PLXNC1: variants seen among roughly 807,000 people sequenced by gnomAD.
The protein encoded by PLXNC1 is plexin C1.
Under a neutral mutation model 178.2 loss-of-function variants are expected in PLXNC1, and 75 were observed. The observed-to-expected ratio is 0.42, with a 90% CI of 0.35 to 0.51. The LOEUF (loss-of-function observed/expected upper bound fraction) is 0.51, where lower values mean the gene tolerates loss of function less well. Ranked by LOEUF, PLXNC1 falls within the 20% of genes least tolerant of loss-of-function variation. The pLI is 0.02. For synonymous variants in PLXNC1, 790 were observed against 779.9 expected, an observed-to-expected ratio of 1.01 and a Z score of -0.22; for missense variants, 1,503 against 1,984.4, an observed-to-expected ratio of 0.76 and a Z score of 4.61.
intron 15 of PLXNC1, chr12:94,254,361 C>A (rs1376072836): frequency 2.7e-6 from 1 of 370,394 alleles, no homozygotes; most frequent in African/African-American, 2.1e-5. Context: ...CGGTTCCTTT[C>A]TACGTTTGCA....
chr12:94,210,682 A>G (rs968927529), intron 5 of PLXNC1, among the ~76,000 whole-genome samples: 2 of 152,240 alleles, frequency 1.3e-5, no homozygotes, highest in African/African-American at 4.8e-5. Context: ...AAAATAATCA[A>G]GCTTCTAAGT....
intron 22 of PLXNC1, 94 bp from the exon 23 acceptor site, chr12:94,282,201 TACC>T: frequency 3.8e-6 from 3 of 792,074 alleles, no homozygotes; most frequent in Non-Finnish European, 6.5e-6. Flanking sequence ...AACAAAGATT[TACC>T]ACTTTATTCA....
At chr12:94,229,201 C>A (rs1396159082) in intron 9 of PLXNC1, among the ~76,000 whole-genome samples, 1 of 152,158 alleles carries the variant, frequency 6.6e-6, no homozygotes, top group Non-Finnish European at 1.5e-5. Flanking sequence ...ATTTGTATAT[C>A]TTCTCTGGAG....
intron 11 of PLXNC1, among the ~76,000 whole-genome samples, chr12:94,242,989 G>A (rs1045865049): frequency 6.6e-6 from 1 of 152,252 alleles, no homozygotes; most frequent in Non-Finnish European, 1.5e-5. Context: ...CTGAGCCTGT[G>A]TGTCTTGGCT....
In PLXNC1 at chr12:94,259,785, C is replaced by T. The variant is rs377602441; in HGVS notation, c.3251+51C>T. On this transcript the variant is annotated intron_variant, in intron 19 of 30. Transcript: ENST00000258526. ...AAAAGCCTTTAAGAAAAAATCAGGC[C>T]GGGCATGGTGGCTCATGGCTGTAAT... 63 of 1,515,648 alleles carry T rather than the reference C, an allele frequency of 4.2e-5. No homozygotes were observed. The East Asian group carries it at 9.7e-4, about 23-fold the overall frequency. The allele number at this position is 1,515,648 out of a possible 1,614,324, so 93.9% of individuals were successfully genotyped here. A position where few individuals can be genotyped will look rare whatever the true frequency, so the allele number is the denominator to read the frequency against.
At position 94,306,277 on chromosome 12, in the gene PLXNC1, A is replaced by C. The variant is rs1969007303; in HGVS notation, c.*992A>C. ...TTTATCGAATTGCTGTTCACACTGG[A>C]GTATTATATATAAATATATATATTT... On this transcript the variant is annotated 3_prime_UTR_variant, in exon 31 of 31. Coordinates refer to ENST00000258526, the MANE Select transcript of PLXNC1 (RefSeq NM_005761.3). The C allele has an allele frequency of 6.6e-6, 1 of 151,930 alleles. No homozygotes were observed. Among genetic ancestry groups the C allele is most frequent in the Non-Finnish European group, 1.5e-5 (1 of 68,000 alleles). The allele number at this position is 151,930 out of a possible 1,614,324, so 9.4% of individuals were successfully genotyped here. A position where few individuals can be genotyped will look rare whatever the true frequency, so the allele number is the denominator to read the frequency against.
At chr12:94,213,888 A>G (rs111992071) in intron 5 of PLXNC1, among the ~76,000 whole-genome samples, 2,965 of 143,330 alleles carry the variant, frequency 0.021, 116 homozygotes, top group African/African-American at 0.075. Flanking sequence ...TTTTTTTGAG[A>G]TGGAGTCTTG....
chr12:94,211,282 G>A (rs1592768204), intron 5 of PLXNC1, among the ~76,000 whole-genome samples: 1 of 152,256 alleles, frequency 6.6e-6, no homozygotes, highest in Admixed American at 6.5e-5. Flanking sequence ...ACTCTCTCCA[G>A]CTCACCACCA....
chr12:94,259,686 C>T lies in PLXNC1; in HGVS notation c.3203C>T (p.Thr1068Ile), dbSNP rs772066224. 1 of 1,612,434 alleles carries T rather than the reference C, an allele frequency of 6.2e-7. No homozygotes were observed. The highest frequency in any genetic ancestry group is 1.7e-5 in the Admixed American group (1 of 59,876). The change falls in exon 19 of 31, where the codon ACT (threonine) becomes ATT (isoleucine). Residue 1068 changes from threonine to isoleucine, a missense_variant. Transcript: ENST00000258526. ...ALICNKSFLV[T>I]VIHTLEKQKN... ...ATCTGTAATAAAAGCTTTCTTGTTA[C>T]TGTCATCCACACCCTTGAAAAGCAG... is the stretch of plus-strand genomic sequence containing the variant.
chr12:94,295,404 G>A (rs118014504), intron 24 of PLXNC1, among the ~76,000 whole-genome samples: 6,887 of 152,316 alleles, frequency 0.045, 213 homozygotes, highest in Non-Finnish European at 0.072. Flanking sequence ...AAGGGGGATG[G>A]TGTCTTTGTG....
At chr12:94,241,580 C>G (rs1239176947) in intron 11 of PLXNC1, among the ~76,000 whole-genome samples, 1 of 152,212 alleles carries the variant, frequency 6.6e-6, no homozygotes, top group Non-Finnish European at 1.5e-5. Flanking sequence ...GACCAACTTT[C>G]TCAGCTCCCA....
In PLXNC1 at chr12:94,221,808, CTT is replaced by C. The variant is rs542493295; in HGVS notation, c.1702+1646_1702+1647del. Among the ~76,000 whole-genome samples the C allele has an allele frequency of 1.3e-3, 194 of 152,276 alleles. No homozygotes were observed. The East Asian group carries it at 0.018, about 14-fold the overall frequency. On this transcript the variant is annotated intron_variant, in intron 6 of 30. Coordinates refer to ENST00000258526, the MANE Select transcript of PLXNC1 (RefSeq NM_005761.3). ...CATACAGAAGGGGCAGGGGAGCTCTCTTAAGCCTCTTCTATAAGGACACTAAT... is the reference window on the plus strand; with the variant it reads ...CATACAGAAGGGGCAGGGGAGCTCTCAAGCCTCTTCTATAAGGACACTAAT...
intron 1 of PLXNC1, among the ~76,000 whole-genome samples, chr12:94,155,623 T>A (rs756237614): frequency 2.9e-4 from 44 of 152,200 alleles, no homozygotes; most frequent in Non-Finnish European, 3.7e-4. Flanking sequence ...TAGAAAGCCC[T>A]TTAAAGACTT....
intron 23 of PLXNC1, 119 bp downstream of exon 23, chr12:94,282,520 T>G: frequency 3.0e-6 from 2 of 670,504 alleles, no homozygotes; most frequent in Non-Finnish European, 5.2e-6. Context: ...AGATCGATCG[T>G]GTCTGGGGCT....
chr12:94,211,598 G>T (rs1481993143), intron 5 of PLXNC1, among the ~76,000 whole-genome samples: 2 of 152,176 alleles, frequency 1.3e-5, no homozygotes, highest in Non-Finnish European at 2.9e-5. Context: ...TAGTCACTTT[G>T]TAGGCAGAGA....
intron 6 of PLXNC1, 97 bp downstream of exon 6, chr12:94,220,260 T>C: frequency 8.5e-7 from 1 of 1,179,822 alleles, no homozygotes; most frequent in Non-Finnish European, 1.2e-6. Flanking sequence ...TAGTTCCCCC[T>C]CTGTAGACTC....
chr12:94,271,105 G>T (rs1965543040), intron 21 of PLXNC1, among the ~76,000 whole-genome samples: 1 of 152,116 alleles, frequency 6.6e-6, no homozygotes, highest in African/African-American at 2.4e-5. Flanking sequence ...ATTCAGGTTG[G>T]TATAAGAACT....
Position 94,259,636 on chromosome 12 carries a change from A to C in PLXNC1, c.3153A>C (p.Glu1051Asp). 1 of 1,609,336 alleles carries C rather than the reference A, an allele frequency of 6.2e-7. No homozygotes were observed. The highest frequency in any genetic ancestry group is 8.5e-7 in the Non-Finnish European group (1 of 1,177,214). ...ACAGAGACGCCAACGACAAGAATGA[A>C]AGTCTCACAGCTTTGGATGCCCTAA... ...MHNRDANDKN[E>D]SLTALDALIC... Residue 1051 changes from glutamate (E) to aspartate (D), a missense_variant, in exon 19 of 31, where the codon GAA (glutamate) becomes GAC (aspartate). By Grantham distance (45) the Glu-to-Asp change is conservative. Transcript: ENST00000258526.
intron 1 of PLXNC1, among the ~76,000 whole-genome samples, chr12:94,164,058 A>G (rs565088473): frequency 6.6e-6 from 1 of 152,124 alleles, no homozygotes; most frequent in Non-Finnish European, 1.5e-5. Flanking sequence ...CAGGAGACTT[A>G]ACTTGCTGGA....
Sources: gnomAD v4.1 joint callset for allele counts (sites outside exome capture counted in the v4.1 genomes callset) on GRCh38, gnomAD v4.1.1 for gene constraint, MANE v1.5 for transcripts, NCBI Gene and HGNC (gene_info 2026-07-23, HGNC 2026-07-21) for gene names.